SHTN1: variants seen among roughly 807,000 people sequenced by gnomAD.
The protein encoded by SHTN1 is shootin-1.
A neutral mutation model predicts 83.1 loss-of-function variants in SHTN1; 42 were observed. That is an observed-to-expected ratio of 0.51 (90% CI 0.39 to 0.65). The LOEUF is 0.65. SHTN1 is among the 30% of genes least tolerant of loss of function. SHTN1 has a pLI of 0.00. For synonymous variants in SHTN1, 224 were observed against 247.7 expected (o/e 0.90, Z 0.90); for missense variants, 622 against 737.8 (o/e 0.84, Z 1.82).
Position 116,881,808 on chromosome 10 carries a change from G to C in SHTN1, c.*4536C>G. On this transcript the variant is annotated 3_prime_UTR_variant, in exon 17 of 17. Coordinates refer to ENST00000355371, the MANE Select transcript of SHTN1 (RefSeq NM_001127211.3). ...TGGTTTTTATTCTTCTAATTCCACT[G>C]TTTGGTAAATTACATATATGATGTT... 4.7e-6 allele frequency: 3 copies of C among 633,874 alleles called. No individual in the cohort carries two copies. The highest frequency in any genetic ancestry group is 7.1e-6 in the Non-Finnish European group (3 of 420,976). The allele number at this position is 633,874 out of a possible 1,614,324, so 39.3% of individuals were successfully genotyped here.
intron 1 of SHTN1, among the ~76,000 whole-genome samples, chr10:117,097,022 C>CATAG (rs1853511864): frequency 8.3e-6 from 1 of 120,030 alleles, no homozygotes; most frequent in East Asian, 2.4e-4. Flanking sequence ...CGCACACACA[C>CATAG]ACACATAGAC....
chr10:116,901,043 A>G, intron 16 of SHTN1: 2 of 985,428 alleles, frequency 2.0e-6, no homozygotes, highest in Non-Finnish European at 1.2e-6. Flanking sequence ...AGGTTTAATT[A>G]ACCATGATTA....
At chr10:117,042,880 T>G (rs1433482873) in intron 2 of SHTN1, among the ~76,000 whole-genome samples, 1 of 152,168 alleles carries the variant, frequency 6.6e-6, no homozygotes, top group African/African-American at 2.4e-5. Flanking sequence ...CCTCCCAAAG[T>G]GCTGGGATTA....
At chr10:117,016,437 C>CG (rs1403043475) in intron 2 of SHTN1, among the ~76,000 whole-genome samples, 1 of 152,162 alleles carries the variant, frequency 6.6e-6, no homozygotes, top group Non-Finnish European at 1.5e-5. Flanking sequence ...GACTGAGTCT[C>CG]GCTCTGTCAC....
At chr10:116,931,315 C>G (rs1290395302) in intron 9 of SHTN1, among the ~76,000 whole-genome samples, 1 of 152,110 alleles carries the variant, frequency 6.6e-6, no homozygotes, top group Non-Finnish European at 1.5e-5. Flanking sequence ...GTGGCGCGAT[C>G]TGGGCTCACT....
intron 1 of SHTN1, among the ~76,000 whole-genome samples, chr10:117,071,801 G>T (rs1329608096): frequency 1.3e-5 from 2 of 152,204 alleles, no homozygotes; most frequent in African/African-American, 4.8e-5. Context: ...CACTTTGGGA[G>T]GCCGAGGCGG....
At chr10:117,017,234 G>A (rs1386371645) in intron 2 of SHTN1, among the ~76,000 whole-genome samples, 1 of 152,192 alleles carries the variant, frequency 6.6e-6, no homozygotes, top group Non-Finnish European at 1.5e-5. Context: ...GCTCACGCCT[G>A]TAATCCCAGC....
intron 1 of SHTN1, among the ~76,000 whole-genome samples, chr10:117,052,751 G>A (rs941460397): frequency 6.6e-6 from 1 of 151,790 alleles, no homozygotes; most frequent in Non-Finnish European, 1.5e-5. Flanking sequence ...CGAGTGCGGT[G>A]GCTCACGCCT....
At chr10:116,987,438 G>A (rs992719288) in intron 1 of SHTN1, among the ~76,000 whole-genome samples, 1 of 152,074 alleles carries the variant, frequency 6.6e-6, no homozygotes, top group Non-Finnish European at 1.5e-5. Context: ...TCCAGATAAC[G>A]GAACAGTATC....
chr10:117,029,644 G>A (rs768180019), intron 2 of SHTN1, among the ~76,000 whole-genome samples: 5 of 152,132 alleles, frequency 3.3e-5, no homozygotes, highest in Non-Finnish European at 7.3e-5. Flanking sequence ...GTGCTCGTGA[G>A]CTCTGGTCAT....
intron 1 of SHTN1, among the ~76,000 whole-genome samples, chr10:117,065,856 A>AAGGAAGGAAGGAAGGAAGGAAAGGAG (rs1564947544): frequency 2.7e-5 from 1 of 37,060 alleles, no homozygotes; most frequent in African/African-American, 1.3e-4. Flanking sequence ...AAGGAAGGAA[A>AAGGAAGGAAGGAAGGAAGGAAAGGAG]GGAGGGAGGG....
chr10:116,908,000 T>A, intron 14 of SHTN1: 6 of 466,366 alleles, frequency 1.3e-5, no homozygotes, highest in Admixed American at 7.0e-5. Context: ...TTCTTTAGCA[T>A]GTAAAACAAA....
chr10:116,937,354 C>T (rs186635177), intron 9 of SHTN1, among the ~76,000 whole-genome samples: 98 of 152,302 alleles, frequency 6.4e-4, no homozygotes, highest in African/African-American at 2.1e-3. Context: ...AAAGGCAGGG[C>T]TGGCGGTGAC....
At chr10:116,894,057 T>G (rs1316544033) in intron 16 of SHTN1, among the ~76,000 whole-genome samples, 2 of 152,208 alleles carry the variant, frequency 1.3e-5, no homozygotes, top group Non-Finnish European at 2.9e-5. Context: ...CAATCTTACT[T>G]TTAATTCAAA....
Position 116,951,951 on chromosome 10 carries a change from C to G in SHTN1, c.492G>C (p.Glu164Asp). Residue 164 changes from glutamate to aspartate, a missense_variant, in exon 6 of 17, where the codon GAG becomes GAC. Around this residue, in one of 3 missense-constraint regions of SHTN1, gnomAD observed 383 missense variants for 455.8 expected, o/e 0.84. Transcript: ENST00000355371. ...VQEEKKILAIELENLKSKLVE... is the reference protein window; with the variant it reads ...VQEEKKILAIDLENLKSKLVE... ...CGAGTTTGCTCTTGAGATTTTCCAG[C>G]TCAATGGCTAAAATCTTCTTTTCCT... 6.3e-7 allele frequency: 1 copy of G among 1,599,396 alleles called. No individual in the cohort carries two copies. The highest frequency in any genetic ancestry group is 1.1e-5 in the South Asian group (1 of 88,118).
intron 10 of SHTN1, among the ~76,000 whole-genome samples, chr10:116,929,399 TTATTTCA>T (rs1365594240): frequency 2.0e-5 from 3 of 152,214 alleles, no homozygotes; most frequent in Non-Finnish European, 4.4e-5. Flanking sequence ...ATAGAAAGTA[TTATTTCA>T]TGTGTATTAT....
chr10:117,025,645 G>C (rs1218551931), intron 2 of SHTN1, among the ~76,000 whole-genome samples: 1 of 152,118 alleles, frequency 6.6e-6, no homozygotes, highest in African/African-American at 2.4e-5. Context: ...CTCCAAGAGA[G>C]ACCCCTTCCC....
At chr10:116,952,444 T>A (rs1019458273) in intron 5 of SHTN1, among the ~76,000 whole-genome samples, 4 of 152,220 alleles carry the variant, frequency 2.6e-5, no homozygotes, top group Admixed American at 2.6e-4. Context: ...TGATTAGAAG[T>A]AAAAGATCCT....
chr10:117,107,825 T>TTTTTG lies in SHTN1; in HGVS notation c.-189+18477_-189+18481dup, dbSNP rs369737973. ...TCCCTCAGCAATTCTGGGAAGGAGT[T>TTTTTG]TTTTGTTTTGTTTTGTTTGAGAAAG... is the stretch of plus-strand genomic sequence containing the variant. On this transcript the variant is annotated intron_variant, in intron 1 of 17. Transcript: ENST00000392901. Among the ~76,000 whole-genome samples the TTTTTG allele has an allele frequency of 4.3e-3, 647 of 152,076 alleles. 10 individuals are homozygous for TTTTTG. Among genetic ancestry groups the TTTTTG allele is most frequent in the African/African-American group, 0.015 (608 of 41,472 alleles).
Sources: allele counts gnomAD v4.1 joint callset (sites outside exome capture counted in the v4.1 genomes callset), GRCh38; gene constraint gnomAD v4.1.1; regional missense constraint gnomAD v4.1.1; transcripts MANE v1.5; gene names NCBI Gene and HGNC (gene_info 2026-07-23, HGNC 2026-07-21).